Variants in MTHFD2L observed in about 807,000 individuals in gnomAD.
MTHFD2L encodes bifunctional methylenetetrahydrofolate dehydrogenase/cyclohydrolase 2, mitochondrial.
A neutral mutation model predicts 34.9 loss-of-function variants in MTHFD2L; 29 were observed. The ratio of observed to expected loss-of-function variants is 0.83; its 90% CI spans 0.62 to 1.13. The LOEUF (loss-of-function observed/expected upper bound fraction) is 1.13, where lower values mean the gene tolerates loss of function less well. Among genes scored for constraint, MTHFD2L ranks in the 50% most tolerant of loss-of-function variants. MTHFD2L has a pLI of 0.00. For synonymous variants in MTHFD2L, 167 were observed against 155.7 expected (o/e 1.07, Z -0.54); for missense variants, 481 against 446.5 (o/e 1.08, Z -0.70).
At chr4:74,288,811 C>A (rs974367885) in intron 7 of MTHFD2L, among the ~76,000 whole-genome samples, 16 of 152,152 alleles carry the variant, frequency 1.1e-4, no homozygotes, top group Non-Finnish European at 2.2e-4. Context: ...ACCTAAATGT[C>A]TTTAATTCTA....
At chr4:74,228,734 A>G (rs181221672) in intron 6 of MTHFD2L, among the ~76,000 whole-genome samples, 1 of 152,366 alleles carries the variant, frequency 6.6e-6, no homozygotes, top group Admixed American at 6.5e-5. Flanking sequence ...GAAGACAGGA[A>G]AAGAAAAAGA....
chr4:74,145,840 C>A (rs1038498071), intron 1 of MTHFD2L, among the ~76,000 whole-genome samples: 1 of 152,132 alleles, frequency 6.6e-6, no homozygotes, highest in Non-Finnish European at 1.5e-5. Context: ...TTTTCCCCTG[C>A]TCTCTTGGTC....
intron 6 of MTHFD2L, among the ~76,000 whole-genome samples, chr4:74,226,706 C>G (rs992499968): frequency 2.0e-5 from 3 of 152,086 alleles, no homozygotes; most frequent in Non-Finnish European, 2.9e-5. Context: ...ATACTAAATT[C>G]ATTCAATTGA....
At chr4:74,144,344 TC>T (rs1723458571) in intron 1 of MTHFD2L, among the ~76,000 whole-genome samples, 1 of 152,090 alleles carries the variant, frequency 6.6e-6, no homozygotes. Flanking sequence ...TCCCAGCTGC[TC>T]GGGAGGCTGA....
intron 5 of MTHFD2L, among the ~76,000 whole-genome samples, chr4:74,223,552 A>G (rs1316427607): frequency 6.6e-6 from 1 of 152,082 alleles, no homozygotes; most frequent in East Asian, 1.9e-4. Context: ...AATAATCTGT[A>G]CAATAAACCC....
intron 3 of MTHFD2L, chr4:74,194,262 A>G (rs1733087458): frequency 6.6e-6 from 1 of 152,176 alleles, no homozygotes; most frequent in Non-Finnish European, 1.5e-5. Context: ...TCAATTTTCA[A>G]CTACGGTGTT....
chr4:74,158,158 G>C lies in MTHFD2L; in HGVS notation c.20G>C (p.Gly7Ala). 6.5e-7 allele frequency: 1 copy of C among 1,529,602 alleles called. No homozygotes were observed. The highest frequency in any genetic ancestry group is 1.4e-5 in the African/African-American group (1 of 72,830). 94.8% of individuals were successfully genotyped at this position (1,529,602 alleles called of 1,614,324 possible). A position where few individuals can be genotyped will look rare whatever the true frequency, so the allele number is the denominator to read the frequency against. MTVPVR[G>A]FSLLRGRLGR... ...GCGGCCATGACGGTGCCGGTCCGCGGCTTCTCGCTGCTCCGCGGCCGCCTT... is the reference window on the plus strand; with the variant it reads ...GCGGCCATGACGGTGCCGGTCCGCGCCTTCTCGCTGCTCCGCGGCCGCCTT... Residue 7 changes from glycine (G) to alanine (A), a missense_variant, in exon 1 of 8, where the codon GGC becomes GCC. Gly to Ala is a moderately conservative substitution (Grantham distance 60). Transcript: ENST00000325278.
chr4:74,294,300 A>T (rs1378726811), intron 7 of MTHFD2L, among the ~76,000 whole-genome samples: 1 of 152,146 alleles, frequency 6.6e-6, no homozygotes, highest in African/African-American at 2.4e-5. Context: ...TGGAGTATAT[A>T]TAATGTACTG....
chr4:74,195,459 A>G (rs969525934), intron 3 of MTHFD2L: 5 of 152,210 alleles, frequency 3.3e-5, no homozygotes, highest in Admixed American at 6.5e-5. Context: ...GAACATGGTG[A>G]GACTGATAAA....
Position 74,254,900 on chromosome 4 carries a change from C to T in MTHFD2L, c.806-26525C>T, listed in dbSNP as rs1002437686. Among the ~76,000 whole-genome samples the T allele has an allele frequency of 4.6e-5, 7 of 151,916 alleles. No individual in the cohort carries two copies. In the East Asian group the frequency reaches 5.8e-4, roughly 13 times the overall value. ...CTGTAATCCTAGCACTTTGGGAGGCCGAGGTGGGCGGATCACCTGAGGGCA... is the reference window on the plus strand; with the variant it reads ...CTGTAATCCTAGCACTTTGGGAGGCTGAGGTGGGCGGATCACCTGAGGGCA... On this transcript the variant is annotated intron_variant, in intron 6 of 7. Coordinates refer to ENST00000325278, the MANE Select transcript of MTHFD2L (RefSeq NM_001144978.3).
At chr4:74,114,728 G>A (rs1721629596) in intron 2 of MTHFD2L, 1 of 152,216 alleles carries the variant, frequency 6.6e-6, no homozygotes, top group Admixed American at 6.5e-5. Flanking sequence ...CACAAACATA[G>A]GAGATTATTA....
At chr4:74,195,262 TA>T (rs1171383612) in intron 3 of MTHFD2L, 5 of 152,222 alleles carry the variant, frequency 3.3e-5, no homozygotes, top group African/African-American at 1.2e-4. Context: ...TTGCAATTTT[TA>T]AGGTAATAAC....
At chr4:74,250,254 G>A (rs1743114541) in intron 6 of MTHFD2L, among the ~76,000 whole-genome samples, 1 of 152,002 alleles carries the variant, frequency 6.6e-6, no homozygotes. Flanking sequence ...AAGGAGTTCT[G>A]AAACAAAAAA....
intron 1 of MTHFD2L, among the ~76,000 whole-genome samples, chr4:74,126,582 C>T (rs907430558): frequency 7.9e-5 from 12 of 151,616 alleles, no homozygotes; most frequent in Non-Finnish European, 1.0e-4. Flanking sequence ...TGGCCATAGA[C>T]GTAAGAAGAG....
intron 6 of MTHFD2L, among the ~76,000 whole-genome samples, chr4:74,244,400 A>G (rs1742128974): frequency 6.6e-6 from 1 of 152,214 alleles, no homozygotes; most frequent in Admixed American, 6.5e-5. Flanking sequence ...AATAGGTTCC[A>G]AAGTCACCCA....
Position 74,283,720 on chromosome 4 carries a change from A to G in MTHFD2L, c.931+2170A>G, listed in dbSNP as rs568780382. Among the ~76,000 whole-genome samples, 11 of 152,218 alleles carry G rather than the reference A, an allele frequency of 7.2e-5. No homozygotes were observed. In the South Asian group the frequency reaches 2.3e-3, roughly 32 times the overall value. ...TCCTCTCATAAAAGACACCCATATG[A>G]TTAGTTGTATCTAGCTTGCCAGCCT... On this transcript the variant is annotated intron_variant, in intron 7 of 7. Transcript: ENST00000325278.
At chr4:74,183,755 G>A (rs999490383) in intron 3 of MTHFD2L, 4 of 151,814 alleles carry the variant, frequency 2.6e-5, no homozygotes, top group Non-Finnish European at 5.9e-5. Flanking sequence ...AGCTCTGGAA[G>A]TGGTAACTAC....
intron 1 of MTHFD2L, among the ~76,000 whole-genome samples, chr4:74,163,107 A>T (rs1725817130): frequency 6.6e-6 from 1 of 152,140 alleles, no homozygotes; most frequent in Admixed American, 6.5e-5. Flanking sequence ...TGTTGGCAAC[A>T]AATACATAAT....
intron 6 of MTHFD2L, among the ~76,000 whole-genome samples, chr4:74,235,798 C>T (rs1489253220): frequency 1.3e-5 from 2 of 152,070 alleles, no homozygotes; most frequent in Non-Finnish European, 2.9e-5. Context: ...AAGAAAAAAA[C>T]TGGTATTTTT....
Sources: gnomAD v4.1 joint callset for allele counts (sites outside exome capture counted in the v4.1 genomes callset) on GRCh38, gnomAD v4.1.1 for gene constraint, MANE v1.5 for transcripts, NCBI Gene and HGNC (gene_info 2026-07-23, HGNC 2026-07-21) for gene names.